The following KAZN variants were observed in gnomAD, a reference collection of about 807,000 sequenced individuals.
The protein encoded by KAZN is kazrin.
A neutral mutation model predicts 87.4 loss-of-function variants in KAZN; 40 were observed. The observed-to-expected ratio is 0.46, with a 90% CI of 0.36 to 0.60. The LOEUF is 0.60. Ranked by LOEUF, KAZN falls within the 20% of genes least tolerant of loss-of-function variation. The pLI is 0.00. For missense variants in KAZN, 898 were observed against 1,073.9 expected (o/e 0.84, Z 2.29); for synonymous variants, 466 against 458.3 (o/e 1.02, Z -0.22).
chr1:15,030,910 C>T (rs75866999), intron 2 of KAZN, among the ~76,000 whole-genome samples: 2,243 of 152,370 alleles, frequency 0.015, 39 homozygotes, highest in South Asian at 0.064. Flanking sequence ...CTGGGGTCCC[C>T]ACTGCGTGGG....
chr1:15,086,676 A>G (rs920667151), intron 8 of KAZN, among the ~76,000 whole-genome samples: 25 of 152,372 alleles, frequency 1.6e-4, no homozygotes, highest in Non-Finnish European at 2.8e-4. Context: ...TGTCTAAATT[A>G]TGGGGTTTCA....
In KAZN at chr1:14,068,357, T is replaced by G. The variant is rs377364667; in HGVS notation, c.92-112078T>G. ...CTTGCTAGATAGTTTTCTCATTTGCTTCTTACCTTGTGGGCTCCAAGACCC... is the reference window on the plus strand; with the variant it reads ...CTTGCTAGATAGTTTTCTCATTTGCGTCTTACCTTGTGGGCTCCAAGACCC... On this transcript the variant is annotated intron_variant, in intron 1 of 16. Coordinates refer to the KAZN transcript ENST00000636203. Among the ~76,000 whole-genome samples, 382 of 152,342 alleles carry G rather than the reference T, an allele frequency of 2.5e-3. 2 individuals carry two copies. The highest frequency in any genetic ancestry group is 8.7e-3 in the African/African-American group (361 of 41,578).
chr1:14,541,919 A>T (rs1473851155), intron 2 of KAZN, among the ~76,000 whole-genome samples: 4 of 152,090 alleles, frequency 2.6e-5, no homozygotes, highest in Non-Finnish European at 5.9e-5. Context: ...ACGTCCACTT[A>T]CTCGCCTTGA....
At position 14,210,488 on chromosome 1, in the gene KAZN, A is replaced by G. The variant is rs182746158; in HGVS notation, c.249+29896A>G. 4.6e-5 allele frequency among the ~76,000 whole-genome samples: 7 copies of G among 152,308 alleles called. No homozygotes were observed. In the East Asian group the frequency reaches 1.4e-3, roughly 29 times the overall value. On this transcript the variant is annotated intron_variant, in intron 2 of 16. Coordinates refer to the KAZN transcript ENST00000636203. ...TTGGATGCCTGCTACAGTGGAGGTG[A>G]AACAAATTGTGAACAATGGGGTCTA...
intron 1 of KAZN, among the ~76,000 whole-genome samples, chr1:14,919,316 A>T (rs1021112662): frequency 2.6e-5 from 4 of 152,222 alleles, no homozygotes; most frequent in Non-Finnish European, 5.9e-5. Context: ...AGCTGGGATG[A>T]CAGGCGCGTT....
At chr1:14,205,675 G>A (rs1007940548) in intron 2 of KAZN, among the ~76,000 whole-genome samples, 2 of 151,920 alleles carry the variant, frequency 1.3e-5, no homozygotes, top group Admixed American at 1.3e-4. Flanking sequence ...ACGAGGTCAG[G>A]AGATCAAGGC....
intron 2 of KAZN, among the ~76,000 whole-genome samples, chr1:14,188,515 A>G (rs1161937337): frequency 6.6e-6 from 1 of 152,158 alleles, no homozygotes; most frequent in Non-Finnish European, 1.5e-5. Flanking sequence ...ATAGAGACAC[A>G]CACAAAAGAA....
intron 2 of KAZN, among the ~76,000 whole-genome samples, chr1:14,373,198 A>AATATATATATATATATATATATATATAT (rs58491688): frequency 3.3e-5 from 5 of 149,256 alleles, no homozygotes; most frequent in African/African-American, 1.2e-4. Flanking sequence ...TGAAAAACTG[A>AATATATATATATATATATATATATATAT]ATATATATAT....
intron 2 of KAZN, among the ~76,000 whole-genome samples, chr1:14,396,011 T>C (rs1319178118): frequency 6.6e-6 from 1 of 151,274 alleles, no homozygotes; most frequent in South Asian, 2.1e-4. Flanking sequence ...CTACAAAAAA[T>C]ACAAAAATTA....
chr1:14,358,864 T>C (rs1423494282), intron 2 of KAZN, among the ~76,000 whole-genome samples: 1 of 152,226 alleles, frequency 6.6e-6, no homozygotes, highest in Non-Finnish European at 1.5e-5. Flanking sequence ...AATTTTAGAA[T>C]AAGTGCTATG....
intron 1 of KAZN, among the ~76,000 whole-genome samples, chr1:14,628,798 T>C (rs1239788379): frequency 6.6e-6 from 1 of 151,954 alleles, no homozygotes; most frequent in Non-Finnish European, 1.5e-5. Flanking sequence ...GCTTCCATCA[T>C]TAACACTTAA....
intron 2 of KAZN, among the ~76,000 whole-genome samples, chr1:14,456,098 G>A (rs956758644): frequency 6.6e-6 from 1 of 152,178 alleles, no homozygotes; most frequent in East Asian, 1.9e-4. Flanking sequence ...CTCATGAAAA[G>A]TGCATGAGCA....
Position 14,926,533 on chromosome 1 carries a change from A to G in KAZN, c.227-34151A>G, listed in dbSNP as rs144892430. On this transcript the variant is annotated intron_variant, in intron 1 of 14. Coordinates refer to ENST00000376030, the MANE Select transcript of KAZN (RefSeq NM_201628.3). ...AAGATCAGACCAGCAGCTAAACCAG[A>G]AAGTTTTGAGTTTTCTCTACCCTAC... Among the ~76,000 whole-genome samples, 50 of 152,294 alleles carry G rather than the reference A, an allele frequency of 3.3e-4. No homozygotes were observed. The East Asian group carries it at 9.7e-3, about 29-fold the overall frequency.
intron 1 of KAZN, among the ~76,000 whole-genome samples, chr1:14,680,451 A>G (rs749352871): frequency 6.6e-6 from 1 of 152,072 alleles, no homozygotes. Flanking sequence ...ACTCAGCAAA[A>G]TATTTTTTTT....
intron 2 of KAZN, among the ~76,000 whole-genome samples, chr1:14,340,285 T>A (rs575105936): frequency 9.2e-5 from 14 of 152,350 alleles, no homozygotes; most frequent in African/African-American, 3.1e-4. Context: ...ATTAGTTGAT[T>A]TGGATATTAA....
intron 2 of KAZN, among the ~76,000 whole-genome samples, chr1:14,233,276 C>T (rs1648043126): frequency 6.6e-6 from 1 of 152,130 alleles, no homozygotes; most frequent in African/African-American, 2.4e-5. Flanking sequence ...GGGCTACAGG[C>T]ATGTGCCACC....
At chr1:14,045,204 C>A (rs1570602926) in intron 1 of KAZN, among the ~76,000 whole-genome samples, 1 of 152,166 alleles carries the variant, frequency 6.6e-6, no homozygotes, top group Non-Finnish European at 1.5e-5. Context: ...AATCAGGACC[C>A]AAATGAAAGT....
chr1:14,364,131 T>C (rs1487138106), intron 2 of KAZN, among the ~76,000 whole-genome samples: 2 of 152,142 alleles, frequency 1.3e-5, no homozygotes, highest in African/African-American at 4.8e-5. Flanking sequence ...GTTGACAGGA[T>C]CATGGAGGTC....
intron 2 of KAZN, among the ~76,000 whole-genome samples, chr1:14,442,027 A>G (rs934749007): frequency 1.3e-5 from 2 of 152,262 alleles, no homozygotes; most frequent in Non-Finnish European, 2.9e-5. Flanking sequence ...CTGAGGAGCA[A>G]GTGGGAGCTG....
Sources: allele counts gnomAD v4.1 joint callset (sites outside exome capture counted in the v4.1 genomes callset), GRCh38; gene constraint gnomAD v4.1.1; transcripts MANE v1.5; gene names NCBI Gene and HGNC (gene_info 2026-07-23, HGNC 2026-07-21).